PLA2G5: variants seen among roughly 807,000 people sequenced by gnomAD.
PLA2G5 encodes phospholipase A2 group V.
In PLA2G5, 12 loss-of-function variants were observed where a neutral mutation model predicts 15.9. The ratio of observed to expected loss-of-function variants is 0.76; its 90% CI spans 0.48 to 1.23. The LOEUF is 1.23. PLA2G5 is among the 50% of genes most tolerant of loss of function. The pLI is 0.00. For missense variants in PLA2G5, 169 were observed against 177.1 expected, an observed-to-expected ratio of 0.95 and a Z score of 0.26; for synonymous variants, 71 against 71.4, an observed-to-expected ratio of 0.99 and a Z score of 0.03.
chr1:20,065,621 T>A (rs1206264147), upstream of PLA2G5, among the ~76,000 whole-genome samples: 1 of 152,226 alleles, frequency 6.6e-6, no homozygotes, highest in Admixed American at 6.5e-5. Context: ...TTTCTTATAC[T>A]ATTGCTAAAT....
chr1:20,080,414 T>G (rs897774269), intron 1 of PLA2G5, among the ~76,000 whole-genome samples: 1 of 152,024 alleles, frequency 6.6e-6, no homozygotes, highest in African/African-American at 2.4e-5. Flanking sequence ...AAACCCCGTC[T>G]CTACTAAAAA....
chr1:20,067,202 C>G (rs1229696639), upstream of PLA2G5, among the ~76,000 whole-genome samples: 1 of 152,078 alleles, frequency 6.6e-6, no homozygotes, highest in Non-Finnish European at 1.5e-5. Flanking sequence ...CCTATGTTGC[C>G]CAGGCTAGTC....
At chr1:20,071,593 A>T (rs2015380830) in intron 1 of PLA2G5, among the ~76,000 whole-genome samples, 1 of 152,156 alleles carries the variant, frequency 6.6e-6, no homozygotes. Flanking sequence ...GGGTTGATCC[A>T]GTTCCGGGCA....
At chr1:20,053,715 C>T (rs982805003) in intron 1 of PLA2G5, among the ~76,000 whole-genome samples, 1 of 152,246 alleles carries the variant, frequency 6.6e-6, no homozygotes, top group Admixed American at 6.5e-5. Context: ...TTCCCTTCTC[C>T]TCCTGCAGAT....
intron 1 of PLA2G5, chr1:20,045,996 A>G (rs561479537): frequency 3.9e-5 from 6 of 152,256 alleles, no homozygotes; most frequent in African/African-American, 1.4e-4. Flanking sequence ...CAACAAGGAA[A>G]GCAAGATTTC....
At chr1:20,069,805 C>T (rs942078843), upstream of PLA2G5, among the ~76,000 whole-genome samples, 1 of 151,904 alleles carries the variant, frequency 6.6e-6, no homozygotes, top group African/African-American at 2.4e-5. Context: ...GATTCTGGAT[C>T]GGAAAAAAGC....
At chr1:20,059,120 CAA>C (rs34667227) in intron 1 of PLA2G5, among the ~76,000 whole-genome samples, 111 of 83,110 alleles carry the variant, frequency 1.3e-3, no homozygotes, top group African/African-American at 4.2e-3. Context: ...GAGACTGTCT[CAA>C]AAAAAAAAAA....
At chr1:20,085,258 T>C (rs948833675) in intron 2 of PLA2G5, among the ~76,000 whole-genome samples, 2 of 152,312 alleles carry the variant, frequency 1.3e-5, no homozygotes, top group East Asian at 1.9e-4. Flanking sequence ...TCCCAACCTA[T>C]GATTCCTGGG....
chr1:20,049,520 G>C (rs2014078627), intron 1 of PLA2G5, among the ~76,000 whole-genome samples: 1 of 152,244 alleles, frequency 6.6e-6, no homozygotes, highest in East Asian at 1.9e-4. Flanking sequence ...CATATCATGG[G>C]AAGGACACAG....
intron 1 of PLA2G5, among the ~76,000 whole-genome samples, chr1:20,073,168 T>C (rs902998260): frequency 1.3e-5 from 2 of 152,128 alleles, no homozygotes; most frequent in African/African-American, 4.8e-5. Flanking sequence ...AACAAGTAGA[T>C]TTTAACCAGT....
intron 1 of PLA2G5, among the ~76,000 whole-genome samples, chr1:20,076,550 T>A (rs1257823905): frequency 6.6e-6 from 1 of 151,466 alleles, no homozygotes; most frequent in Non-Finnish European, 1.5e-5. Flanking sequence ...TTTTACTAAC[T>A]GTGTGACCTT....
intron 1 of PLA2G5, among the ~76,000 whole-genome samples, chr1:20,048,811 A>G (rs2014043922): frequency 6.6e-6 from 1 of 152,216 alleles, no homozygotes. Context: ...AATGATTAAA[A>G]TAAAATAATT....
chr1:20,055,021 A>G (rs1278648545), intron 1 of PLA2G5, among the ~76,000 whole-genome samples: 1 of 152,202 alleles, frequency 6.6e-6, no homozygotes, highest in African/African-American at 2.4e-5. Context: ...TAATTTTTCC[A>G]AGTCATTGCT....
In PLA2G5 at chr1:20,059,155, G is replaced by A. The variant is rs557673764; in HGVS notation, n.277-477G>A. 7.0e-5 allele frequency among the ~76,000 whole-genome samples: 10 copies of A among 143,254 alleles called. No individual in the cohort carries two copies. In the East Asian group the frequency reaches 1.7e-3, roughly 24 times the overall value. 94.0% of individuals were successfully genotyped at this position (143,254 alleles called of 152,430 possible). ...AAAAAAAAAAAGGGCTCACATGACC[G>A]AGTGTGGTGGCTCATGCCTATAATC... is the stretch of plus-strand genomic sequence containing the variant. On this transcript the variant is annotated intron_variant and non_coding_transcript_variant, in intron 1 of 6. Coordinates refer to the PLA2G5 transcript ENST00000460175.
chr1:20,041,541 G>A (rs2013596871), intron 1 of PLA2G5, among the ~76,000 whole-genome samples: 1 of 152,134 alleles, frequency 6.6e-6, no homozygotes, highest in African/African-American at 2.4e-5. Flanking sequence ...GGGAAGGGAG[G>A]GGGCCTGAAC....
intron 1 of PLA2G5, among the ~76,000 whole-genome samples, chr1:20,055,093 A>G (rs2014370719): frequency 6.6e-6 from 1 of 152,224 alleles, no homozygotes; most frequent in African/African-American, 2.4e-5. Context: ...CTACTCAATA[A>G]TCTAGGTACT....
intron 1 of PLA2G5, among the ~76,000 whole-genome samples, chr1:20,033,230 A>G (rs1472966260): frequency 1.3e-5 from 2 of 152,210 alleles, no homozygotes; most frequent in African/African-American, 4.8e-5. Flanking sequence ...GCTGCTGGAC[A>G]TGGCTCCCTA....
At chr1:20,051,873 T>G (rs1301416760) in intron 1 of PLA2G5, among the ~76,000 whole-genome samples, 1 of 152,182 alleles carries the variant, frequency 6.6e-6, no homozygotes, top group Admixed American at 6.5e-5. Context: ...AAGTTTATCT[T>G]GGAACCTCAA....
intron 3 of PLA2G5, chr1:20,088,761 T>C (rs368214058): frequency 2.0e-5 from 3 of 153,820 alleles, no homozygotes; most frequent in East Asian, 3.9e-4. Flanking sequence ...TAAAATGGCA[T>C]AGTATTTGCA....
Sources: gnomAD v4.1 joint callset for allele counts (sites outside exome capture counted in the v4.1 genomes callset) on GRCh38, gnomAD v4.1.1 for gene constraint, MANE v1.5 for transcripts, NCBI Gene and HGNC (gene_info 2026-07-23, HGNC 2026-07-21) for gene names.